The following ARHGEF28 variants were observed in gnomAD, a reference collection of about 807,000 sequenced individuals.
ARHGEF28 encodes the protein 190 kDa guanine nucleotide exchange factor.
In ARHGEF28, 152 loss-of-function variants were observed where a neutral mutation model predicts 206.6. The observed-to-expected ratio is 0.74, with a 90% CI of 0.64 to 0.84. The LOEUF is 0.84. Ranked by LOEUF, ARHGEF28 falls within the 40% of genes least tolerant of loss-of-function variation. The probability of loss-of-function intolerance (pLI) is 0.00; values close to 1 mark genes in which losing one functional copy is unlikely to be tolerated. For synonymous variants in ARHGEF28, 763 were observed against 776.4 expected (o/e 0.98, Z 0.29); for missense variants, 2,028 against 2,073.2 (o/e 0.98, Z 0.42).
intron 4 of ARHGEF28, among the ~76,000 whole-genome samples, chr5:73,765,863 G>A (rs10064449): frequency 0.19 from 29,196 of 152,162 alleles, 3,319 homozygotes; most frequent in Non-Finnish European, 0.25. Flanking sequence ...TTCTAAAAAC[G>A]TATTGTGGGC....
intron 35 of ARHGEF28, chr5:73,923,281 T>C (rs1763621158): frequency 1.1e-6 from 1 of 902,574 alleles, no homozygotes; most frequent in Admixed American, 3.6e-5. Context: ...AGATAAAGCA[T>C]GGTAAAAAAA....
chr5:73,718,978 C>G (rs1749753654), intron 2 of ARHGEF28, among the ~76,000 whole-genome samples: 1 of 152,212 alleles, frequency 6.6e-6, no homozygotes, highest in Non-Finnish European at 1.5e-5. Context: ...CTCCCCAAAT[C>G]ACAGAGAGTC....
chr5:73,641,185 T>G (rs1015286019), intron 1 of ARHGEF28, among the ~76,000 whole-genome samples: 1 of 152,214 alleles, frequency 6.6e-6, no homozygotes, highest in Non-Finnish European at 1.5e-5. Flanking sequence ...CAAATCCCTC[T>G]TTCAGGAAAA....
At chr5:73,870,854 A>T (rs537785205) in intron 21 of ARHGEF28, among the ~76,000 whole-genome samples, 1 of 152,230 alleles carries the variant, frequency 6.6e-6, no homozygotes, top group African/African-American at 2.4e-5. Context: ...TACAAAGTAG[A>T]TTCCAAAATG....
chr5:73,935,755 C>T (rs896025519), intron 35 of ARHGEF28, among the ~76,000 whole-genome samples: 2 of 152,072 alleles, frequency 1.3e-5, no homozygotes, highest in Non-Finnish European at 2.9e-5. Flanking sequence ...GATTTAGGAA[C>T]ATGCACAAGG....
At chr5:73,703,574 G>A (rs554018992) in intron 2 of ARHGEF28, among the ~76,000 whole-genome samples, 1 of 152,048 alleles carries the variant, frequency 6.6e-6, no homozygotes, top group Non-Finnish European at 1.5e-5. Flanking sequence ...TATAGACTTT[G>A]CCTGCTTTCC....
chr5:73,801,283 A>G (rs1040646537), intron 9 of ARHGEF28, among the ~76,000 whole-genome samples: 1 of 151,858 alleles, frequency 6.6e-6, no homozygotes, highest in Non-Finnish European at 1.5e-5. Flanking sequence ...GGTCTCTACT[A>G]AAACTACAAA....
At chr5:73,650,741 C>T (rs1468130920) in intron 1 of ARHGEF28, among the ~76,000 whole-genome samples, 3 of 150,892 alleles carry the variant, frequency 2.0e-5, no homozygotes, top group Non-Finnish European at 4.4e-5. Flanking sequence ...CTTTGCCTCC[C>T]GGGTTCAAGC....
chr5:73,690,889 T>C (rs1747781389), intron 2 of ARHGEF28, among the ~76,000 whole-genome samples: 1 of 152,160 alleles, frequency 6.6e-6, no homozygotes, highest in Non-Finnish European at 1.5e-5. Context: ...AAGAATATAA[T>C]AGTAAGTAAA....
chr5:73,928,781 A>G (rs1763955994), intron 35 of ARHGEF28, among the ~76,000 whole-genome samples: 1 of 152,168 alleles, frequency 6.6e-6, no homozygotes, highest in Non-Finnish European at 1.5e-5. Flanking sequence ...GCTCCCCAGA[A>G]AGTTGGCTTT....
chr5:73,732,015 C>CTTT (rs530373615), intron 2 of ARHGEF28, among the ~76,000 whole-genome samples: 1 of 130,588 alleles, frequency 7.7e-6, no homozygotes. Context: ...ATTTAGTGAA[C>CTTT]TTTTTTTTTT....
At chr5:73,801,924 G>A (rs192884930) in intron 9 of ARHGEF28, among the ~76,000 whole-genome samples, 10 of 152,282 alleles carry the variant, frequency 6.6e-5, no homozygotes, top group African/African-American at 1.9e-4. Flanking sequence ...GGTTGTTGAG[G>A]TTTCAAAACC....
intron 35 of ARHGEF28, chr5:73,923,250 T>C: frequency 7.9e-7 from 1 of 1,264,944 alleles, no homozygotes; most frequent in African/African-American, 1.5e-5. Context: ...ATGTTTTGGT[T>C]TATGCTAAAC....
chr5:73,840,903 C>T, intron 11 of ARHGEF28, 143 bp downstream of exon 11: 1 of 925,126 alleles, frequency 1.1e-6, no homozygotes. Flanking sequence ...TTCCTATATT[C>T]ACTGATTTGA....
chr5:73,727,570 A>T (rs1031161074), intron 2 of ARHGEF28, among the ~76,000 whole-genome samples: 1 of 152,186 alleles, frequency 6.6e-6, no homozygotes, highest in African/African-American at 2.4e-5. Context: ...ATAATTTTTA[A>T]CTGTGGCCTA....
intron 1 of ARHGEF28, among the ~76,000 whole-genome samples, chr5:73,635,823 G>C (rs1385307014): frequency 1.3e-5 from 2 of 152,168 alleles, no homozygotes; most frequent in East Asian, 3.8e-4. Context: ...GATTCAGCTG[G>C]CCATTCCTAT....
intron 9 of ARHGEF28, chr5:73,813,815 A>G (rs1756002597): frequency 2.4e-6 from 2 of 829,244 alleles, no homozygotes; most frequent in East Asian, 2.8e-5. Flanking sequence ...GTACAGATAC[A>G]TATAGGTTTC....
intron 2 of ARHGEF28, among the ~76,000 whole-genome samples, chr5:73,746,920 G>A (rs191129617): frequency 6.6e-6 from 1 of 152,164 alleles, no homozygotes; most frequent in East Asian, 1.9e-4. Flanking sequence ...ATATCATTTC[G>A]ATTCTAGTGT....
intron 1 of ARHGEF28, among the ~76,000 whole-genome samples, chr5:73,664,069 A>G (rs1428770994): frequency 1.3e-5 from 2 of 152,236 alleles, no homozygotes; most frequent in Admixed American, 1.3e-4. Context: ...GACTTCAGCC[A>G]GAAAGCCCTG....
Sources: allele counts gnomAD v4.1 joint callset (sites outside exome capture counted in the v4.1 genomes callset), GRCh38; gene constraint gnomAD v4.1.1; transcripts MANE v1.5; gene names NCBI Gene and HGNC (gene_info 2026-07-23, HGNC 2026-07-21).